Variants in CFAP20DC observed in about 807,000 individuals in gnomAD.
CFAP20DC encodes the protein CFAP20 domain containing, also known as protein CFAP20DC.
Under a neutral mutation model 101.7 loss-of-function variants are expected in CFAP20DC, and 84 were observed. The observed-to-expected ratio is 0.83, with a 90% confidence interval of 0.69 to 0.99. The LOEUF is 0.99. CFAP20DC is among the 50% of genes least tolerant of loss of function. CFAP20DC has a pLI of 0.00. For synonymous variants in CFAP20DC, 359 were observed against 351.2 expected (o/e 1.02, Z -0.25); for missense variants, 1,007 against 970.3 (o/e 1.04, Z -0.50).
rs1243601126 is a variant in CFAP20DC at position 58,810,232 on chromosome 3, T to C, written c.2176-3776A>G. On this transcript the variant is annotated intron_variant, in intron 14 of 16. Transcript: ENST00000482387. ...GCCAGCATCATCCTGATACCAAAGT[T>C]GGGCAGAGACACAACCAAAAAAGAG... 4.5e-3 allele frequency among the ~76,000 whole-genome samples: 691 copies of C among 151,894 alleles called. 4 individuals carry two copies. The highest frequency in any genetic ancestry group is 0.016 in the African/African-American group (671 of 41,398).
chr3:58,775,444 A>G (rs2071235928), intron 15 of CFAP20DC, among the ~76,000 whole-genome samples: 1 of 152,196 alleles, frequency 6.6e-6, no homozygotes, highest in Admixed American at 6.5e-5. Flanking sequence ...TGTGATTGCA[A>G]CACATTAGTT....
chr3:58,806,129 T>C (rs1287120725), intron 15 of CFAP20DC, among the ~76,000 whole-genome samples: 1 of 152,262 alleles, frequency 6.6e-6, no homozygotes, highest in African/African-American at 2.4e-5. Flanking sequence ...CAAAATACTA[T>C]GAAGTAATTC....
At chr3:58,835,474 C>T (rs2076673241) in intron 13 of CFAP20DC, among the ~76,000 whole-genome samples, 1 of 152,200 alleles carries the variant, frequency 6.6e-6, no homozygotes, top group Non-Finnish European at 1.5e-5. Context: ...CTGTATTCCA[C>T]TGCAGTAATA....
In CFAP20DC at chr3:58,831,775, C is replaced by T; in HGVS notation, c.2086G>A (p.Gly696Ser). ...EELEDAGTSH[G>S]LSASQVDNCN... is the part of the protein sequence containing the mutation. ...TTGTCCACCTGGGAGGCACTCAGGC[C>T]ATGGGAGGTCCCAGCATCCTCCAGT... Residue 696 changes from glycine to serine, a missense_variant, in exon 14 of 17, where the codon GGC becomes AGC. Gly to Ser is a moderately conservative substitution (Grantham distance 56, BLOSUM62 0). Transcript: ENST00000482387. 6.2e-7 allele frequency: 1 copy of T among 1,614,022 alleles called. No individual in the cohort carries two copies. The highest frequency in any genetic ancestry group is 8.5e-7 in the Non-Finnish European group (1 of 1,179,938).
chr3:58,879,735 T>G (rs2081073790), intron 7 of CFAP20DC, among the ~76,000 whole-genome samples: 1 of 152,040 alleles, frequency 6.6e-6, no homozygotes, highest in African/African-American at 2.4e-5. Flanking sequence ...AGAAAGAGTG[T>G]CTTGGGGGTT....
intron 4 of CFAP20DC, among the ~76,000 whole-genome samples, chr3:59,028,093 T>C (rs998767432): frequency 3.9e-5 from 6 of 152,218 alleles, no homozygotes; most frequent in Non-Finnish European, 7.3e-5. Context: ...GTTAGTACAG[T>C]AAACACTCCC....
rs2073565751 is a variant in CFAP20DC, at chr3:58,799,979, C to T, written c.2237+6416G>A. 6.6e-6 allele frequency among the ~76,000 whole-genome samples: 1 copy of T among 152,188 alleles called. No individual in the cohort carries two copies. The highest frequency in any genetic ancestry group is 1.5e-5 in the Non-Finnish European group (1 of 68,038). On this transcript the variant is annotated intron_variant, in intron 15 of 16. Transcript: ENST00000482387. This position sits in a 1 kb window ranked among gnomAD's most constrained non-coding sequence, Gnocchi z 4.9. ...TTAAGAGAACTCCATCCAGGCAGCA[C>T]TCCTAAGTGGGGACCAAGCCTGGAG...
chr3:58,929,721 T>A (rs536431008), intron 5 of CFAP20DC, among the ~76,000 whole-genome samples: 1 of 152,344 alleles, frequency 6.6e-6, no homozygotes, highest in East Asian at 1.9e-4. Flanking sequence ...TATGTCTACA[T>A]GAACAGCAAG....
intron 15 of CFAP20DC, among the ~76,000 whole-genome samples, chr3:58,774,313 G>C (rs57282955): frequency 2.0e-5 from 3 of 152,118 alleles, no homozygotes; most frequent in Non-Finnish European, 4.4e-5. Flanking sequence ...CCACTAGCTA[G>C]AGCTACAAAT....
intron 5 of CFAP20DC, among the ~76,000 whole-genome samples, chr3:58,935,204 T>C (rs1224380160): frequency 6.6e-6 from 1 of 152,052 alleles, no homozygotes; most frequent in African/African-American, 2.4e-5. Context: ...CACCTAGGAA[T>C]CCAACTTACA....
rs1265849279 is a variant in CFAP20DC at position 59,014,309 on chromosome 3, A to G, written c.278+25248T>C. Reference sequence around the variant, plus strand: ...AAACTGTTGCAGGAAGAAATGTATCATAAAACATAATGTGAAGCTACTTAA... The same window carrying G: ...AAACTGTTGCAGGAAGAAATGTATCGTAAAACATAATGTGAAGCTACTTAA... On this transcript the variant is annotated intron_variant, in intron 4 of 16. Coordinates refer to ENST00000482387, the MANE Select transcript of CFAP20DC (RefSeq NM_001394063.1). The surrounding 1 kb of genome is among the most constrained non-coding windows in gnomAD (Gnocchi z 4.9). Among the ~76,000 whole-genome samples the G allele has an allele frequency of 6.6e-6, 1 of 152,210 alleles. No homozygotes were observed. The highest frequency in any genetic ancestry group is 1.5e-5 in the Non-Finnish European group (1 of 68,024).
rs989894530 is a variant in CFAP20DC at position 58,889,633 on chromosome 3, G to A, written c.551-4924C>T. 9.6e-5 allele frequency among the ~76,000 whole-genome samples: 14 copies of A among 145,826 alleles called. 1 individual carries two copies. The highest frequency in any genetic ancestry group is 6.9e-4 in the Admixed American group (10 of 14,528). ...TTGGCAGGGTCATGGGACAATAGTG[G>A]AGGGAAGGTCAGCAGATAAACAAGT... On this transcript the variant is annotated intron_variant, in intron 6 of 16. Transcript: ENST00000482387.
At position 58,722,825 on chromosome 3, in the gene CFAP20DC, G is replaced by A. The variant is rs2067491375; in HGVS notation, c.198-5197C>T. On this transcript the variant is annotated intron_variant, in intron 3 of 3. Transcript: ENST00000486145. The surrounding 1 kb of genome is among the most constrained non-coding windows in gnomAD (Gnocchi z 4.5). ...TGCACTGCATTTGGATTCAGTGTCA[G>A]CAGAATATAGCAGCTGCCTCCCAGC... 6.6e-6 allele frequency among the ~76,000 whole-genome samples: 1 copy of A among 152,202 alleles called. No individual in the cohort carries two copies. Among genetic ancestry groups the A allele is most frequent in the Non-Finnish European group, 1.5e-5 (1 of 68,040 alleles).
intron 15 of CFAP20DC, among the ~76,000 whole-genome samples, chr3:58,756,407 A>G: frequency 6.6e-6 from 1 of 152,136 alleles, no homozygotes. Context: ...TGGTTAAAAT[A>G]CTATATTCAA....
chr3:58,829,570 T>TA (rs1426276120), intron 14 of CFAP20DC, among the ~76,000 whole-genome samples: 3 of 152,176 alleles, frequency 2.0e-5, no homozygotes, highest in African/African-American at 4.8e-5. Context: ...GATGCAATAA[T>TA]AAACATATCT....
Position 58,887,325 on chromosome 3 carries a change from G to T in CFAP20DC, c.551-2616C>A, listed in dbSNP as rs887112824. 13 of 152,234 alleles carry T rather than the reference G, an allele frequency of 8.5e-5. No individual in the cohort carries two copies. The South Asian group carries it at 2.5e-3, about 29-fold the overall frequency. The allele number at this position is 152,234 out of a possible 1,614,324, so 9.4% of individuals were successfully genotyped here. On this transcript the variant is annotated intron_variant, in intron 6 of 16. Coordinates refer to ENST00000482387, the MANE Select transcript of CFAP20DC (RefSeq NM_001394063.1). Reference sequence around the variant, plus strand: ...ACTTCAAAACTCCTTTGAGATAGAAGAAGATAATTTCCATGTCAATGCCAA... The same window carrying T: ...ACTTCAAAACTCCTTTGAGATAGAATAAGATAATTTCCATGTCAATGCCAA...
Position 58,849,024 on chromosome 3 carries a change from C to T in CFAP20DC, c.1971+8G>A. On this transcript the variant is annotated splice_region_variant and intron_variant, in intron 13 of 16. Transcript: ENST00000482387. ...CCGGCATCTGTAAACCACACGGGAA[C>T]CACTTACAGATGCTTCGGGGATCGA... is the stretch of plus-strand genomic sequence containing the variant. 6.5e-7 allele frequency: 1 copy of T among 1,533,572 alleles called. No homozygotes were observed. Among genetic ancestry groups the T allele is most frequent in the Non-Finnish European group, 8.7e-7 (1 of 1,145,826 alleles). 95.0% of individuals were successfully genotyped at this position (1,533,572 alleles called of 1,614,324 possible).
At chr3:58,741,321 G>T (rs1431410036), downstream of CFAP20DC, among the ~76,000 whole-genome samples, 2 of 152,094 alleles carry the variant, frequency 1.3e-5, no homozygotes, top group Non-Finnish European at 2.9e-5. Context: ...CCGGCAAGCA[G>T]AGTTAGACGG....
At chr3:58,890,471 CTGGT>C (rs1250146995) in intron 6 of CFAP20DC, among the ~76,000 whole-genome samples, 10 of 142,170 alleles carry the variant, frequency 7.0e-5, no homozygotes, top group African/African-American at 2.4e-4. Context: ...GACGGGGCGG[CTGGT>C]CGGGCAGAGG....
Sources: allele counts gnomAD v4.1 joint callset (sites outside exome capture counted in the v4.1 genomes callset), GRCh38; gene constraint gnomAD v4.1.1; non-coding constraint Gnocchi (gnomAD v3.1); transcripts MANE v1.5; gene names NCBI Gene and HGNC (gene_info 2026-07-23, HGNC 2026-07-21).